Variants in TPH2 observed in about 807,000 individuals in gnomAD.
The protein encoded by TPH2 is tryptophan 5-hydroxylase 2.
In TPH2, 27 loss-of-function variants were observed where a neutral mutation model predicts 59.1. The ratio of observed to expected loss-of-function variants is 0.46; its 90% confidence interval spans 0.34 to 0.63. The LOEUF (loss-of-function observed/expected upper bound fraction) is 0.63. TPH2 is among the 30% of genes least tolerant of loss of function. TPH2 has a pLI of 0.01. For missense variants in TPH2, 523 were observed against 588.3 expected (o/e 0.89, Z 1.15); for synonymous variants, 220 against 210.5 (o/e 1.05, Z -0.39).
chr12:71,967,456 A>G lies in TPH2; in HGVS notation c.609-5063A>G, dbSNP rs552846662. On this transcript the variant is annotated intron_variant, in intron 5 of 10. Transcript: ENST00000333850. ...CTTCTTTCTAGTACTGCCGTCGCTG[A>G]ACACTGGTTCCATATCGATGCTCAT... Among the ~76,000 whole-genome samples, 70 of 152,336 alleles carry G rather than the reference A, an allele frequency of 4.6e-4. No homozygotes were observed. In the South Asian group the frequency reaches 0.014, roughly 30 times the overall value.
At chr12:71,962,075 C>A in intron 5 of TPH2, 1 of 1,001,218 alleles carries the variant, frequency 1.0e-6, no homozygotes, top group Non-Finnish European at 1.2e-6. Context: ...AGGGGACTAG[C>A]TGAAAATGCG....
chr12:72,023,878 A>G (rs1873498111), intron 9 of TPH2, among the ~76,000 whole-genome samples: 1 of 152,004 alleles, frequency 6.6e-6, no homozygotes, highest in Non-Finnish European at 1.5e-5. Context: ...TAAATAGACA[A>G]TATTTCTGGT....
intron 5 of TPH2, chr12:71,962,366 G>A (rs1043892436): frequency 2.5e-5 from 25 of 985,274 alleles, no homozygotes; most frequent in Non-Finnish European, 2.9e-5. Flanking sequence ...AGTTAAGTTC[G>A]GACTTTTCTG....
chr12:71,941,772 C>T lies in TPH2; in HGVS notation c.255+39C>T, dbSNP rs772045685. ...ATCATTACATAATTTTAAAAGTGACCGTGTGCCTGGGTACAAACCTGTTAT... is the reference window on the plus strand; with the variant it reads ...ATCATTACATAATTTTAAAAGTGACTGTGTGCCTGGGTACAAACCTGTTAT... On this transcript the variant is annotated intron_variant, in intron 2 of 10. Coordinates refer to ENST00000333850, the MANE Select transcript of TPH2 (RefSeq NM_173353.4). 1.0e-5 allele frequency: 16 copies of T among 1,589,548 alleles called. No homozygotes were observed. The African/African-American group carries it at 1.3e-4, about 13-fold the overall frequency.
intron 8 of TPH2, among the ~76,000 whole-genome samples, chr12:71,999,462 G>C (rs1035262792): frequency 1.3e-5 from 2 of 152,186 alleles, no homozygotes; most frequent in Non-Finnish European, 2.9e-5. Context: ...GCTGTCCGAG[G>C]TCTGTGTGTG....
chr12:72,023,825 A>AAAAAAAAAAAAAG (rs1555215111), intron 9 of TPH2, among the ~76,000 whole-genome samples: 20 of 56,218 alleles, frequency 3.6e-4, no homozygotes, highest in Admixed American at 9.8e-4. Context: ...CTGACAGAAA[A>AAAAAAAAAAAAAG]AAAAAAAAAA....
At chr12:72,001,453 T>C (rs910935309) in intron 8 of TPH2, among the ~76,000 whole-genome samples, 14 of 149,704 alleles carry the variant, frequency 9.4e-5, no homozygotes, top group African/African-American at 3.5e-4. Context: ...TGAGACAGAG[T>C]TCTCTCTCGT....
intron 8 of TPH2, among the ~76,000 whole-genome samples, chr12:71,999,728 T>C (rs937982595): frequency 1.3e-5 from 2 of 152,172 alleles, no homozygotes; most frequent in African/African-American, 2.4e-5. Flanking sequence ...GGCTTCAAAT[T>C]CCAAAACTAA....
At chr12:71,975,013 G>A (rs530225880) in intron 6 of TPH2, among the ~76,000 whole-genome samples, 3 of 152,094 alleles carry the variant, frequency 2.0e-5, no homozygotes, top group African/African-American at 7.2e-5. Flanking sequence ...GCAAAATCAA[G>A]GCTATTATAT....
chr12:72,026,111 T>A (rs552252174), intron 9 of TPH2, among the ~76,000 whole-genome samples: 3 of 152,280 alleles, frequency 2.0e-5, no homozygotes, highest in South Asian at 4.1e-4. Flanking sequence ...ATCAAAAAGT[T>A]AACCCATCTC....
chr12:71,984,834 C>T (rs1363299580), intron 7 of TPH2, among the ~76,000 whole-genome samples: 1 of 152,158 alleles, frequency 6.6e-6, no homozygotes, highest in East Asian at 1.9e-4. Context: ...CACATACCCT[C>T]AGTTTGGTAG....
intron 8 of TPH2, among the ~76,000 whole-genome samples, chr12:72,012,802 CTTTTTTTTTA>C (rs1873135297): frequency 6.6e-6 from 1 of 151,346 alleles, no homozygotes; most frequent in South Asian, 2.1e-4. Context: ...CTTTTTTCTT[CTTTTTTTTTA>C]TTTTGGAAAA....
intron 7 of TPH2, among the ~76,000 whole-genome samples, chr12:71,991,810 A>G (rs1403119134): frequency 3.3e-5 from 5 of 152,198 alleles, no homozygotes; most frequent in Non-Finnish European, 7.4e-5. Context: ...CTTCAGTATC[A>G]TGGTGTAATT....
intron 8 of TPH2, among the ~76,000 whole-genome samples, chr12:72,020,973 G>C (rs1873396323): frequency 6.6e-6 from 1 of 152,150 alleles, no homozygotes; most frequent in Non-Finnish European, 1.5e-5. Flanking sequence ...TGAACCAAGG[G>C]ACATCTTAGC....
intron 8 of TPH2, among the ~76,000 whole-genome samples, chr12:72,008,397 G>A (rs1041853988): frequency 3.3e-5 from 5 of 152,164 alleles, no homozygotes; most frequent in Non-Finnish European, 7.3e-5. Flanking sequence ...ATCCTGAGAT[G>A]GGATGAGTTA....
intron 8 of TPH2, among the ~76,000 whole-genome samples, chr12:72,009,398 T>G (rs536177508): frequency 6.6e-6 from 1 of 152,342 alleles, no homozygotes; most frequent in African/African-American, 2.4e-5. Context: ...TCATGAATTT[T>G]CACTATCCTT....
intron 5 of TPH2, among the ~76,000 whole-genome samples, chr12:71,954,608 A>T (rs745683844): frequency 6.6e-6 from 1 of 152,176 alleles, no homozygotes; most frequent in Non-Finnish European, 1.5e-5. Flanking sequence ...TATGACTGCG[A>T]TGTAGTAGTT....
intron 7 of TPH2, among the ~76,000 whole-genome samples, chr12:71,992,585 C>A (rs1289469759): frequency 6.6e-6 from 1 of 151,394 alleles, no homozygotes; most frequent in Non-Finnish European, 1.5e-5. Context: ...GCCCGAGCAA[C>A]AAAGGGAGAC....
intron 1 of TPH2, among the ~76,000 whole-genome samples, chr12:71,940,635 A>G (rs1394312957): frequency 6.6e-6 from 1 of 152,226 alleles, no homozygotes; most frequent in Non-Finnish European, 1.5e-5. Flanking sequence ...ATTGTCTGTC[A>G]AATGAAAGTT....
Sources: gnomAD v4.1 joint callset for allele counts (sites outside exome capture counted in the v4.1 genomes callset) on GRCh38, gnomAD v4.1.1 for gene constraint, MANE v1.5 for transcripts, NCBI Gene and HGNC (gene_info 2026-07-23, HGNC 2026-07-21) for gene names.